PLA2G7: variants seen among roughly 807,000 people sequenced by gnomAD.
The protein encoded by PLA2G7 is phospholipase A2 group VII.
Under a neutral mutation model 49.6 loss-of-function variants are expected in PLA2G7, and 63 were observed. The ratio of observed to expected loss-of-function variants is 1.27; its 90% CI spans 1.04 to 1.57. PLA2G7 has a LOEUF of 1.57. PLA2G7 is among the 40% of genes most tolerant of loss of function. The pLI is 0.00. For missense variants in PLA2G7, 596 were observed against 521.2 expected, an observed-to-expected ratio of 1.14 and a Z score of -1.40; for synonymous variants, 193 against 169.9, an observed-to-expected ratio of 1.14 and a Z score of -1.06.
chr6:46,721,227 T>A (rs959597706), intron 2 of PLA2G7, among the ~76,000 whole-genome samples: 4 of 151,816 alleles, frequency 2.6e-5, no homozygotes, highest in African/African-American at 7.3e-5. Context: ...TTTTTTTTTT[T>A]AATATAGACG....
intron 2 of PLA2G7, among the ~76,000 whole-genome samples, chr6:46,720,415 G>A (rs1765357119): frequency 1.3e-5 from 2 of 152,230 alleles, no homozygotes; most frequent in South Asian, 4.1e-4. Context: ...AGGTCAAGGT[G>A]AGGTCTGCCT....
chr6:46,734,425 AG>A (rs1765836558), intron 1 of PLA2G7, among the ~76,000 whole-genome samples: 1 of 1,940 alleles, frequency 5.2e-4, no homozygotes, highest in Non-Finnish European at 1.3e-3. Flanking sequence ...TGAGAGAGAG[AG>A]AGAGAGAGAG....
chr6:46,726,958 A>T (rs1341412641), intron 1 of PLA2G7, among the ~76,000 whole-genome samples: 1 of 152,122 alleles, frequency 6.6e-6, no homozygotes, highest in Non-Finnish European at 1.5e-5. Flanking sequence ...GGGAATGTTC[A>T]CTTTAAAAAT....
At position 46,716,384 on chromosome 6, in the gene PLA2G7, CA is replaced by C; in HGVS notation, c.375del (p.Phe125LeufsTer4). The C allele has an allele frequency of 6.2e-7, 1 of 1,613,946 alleles. No individual in the cohort carries two copies. The highest frequency in any genetic ancestry group is 8.5e-7 in the Non-Finnish European group (1 of 1,179,910). On this transcript the variant is annotated frameshift_variant and splice_region_variant, in exon 4 of 12. Coordinates refer to ENST00000274793, the MANE Select transcript of PLA2G7 (RefSeq NM_005084.4). LOFTEE classifies it high-confidence loss of function. The part of the protein sequence containing the change: ...WLMGNILRLL[F>X]GSMTTPANWN... ...AAAGAAGGATCAACAGAAATCTTAC[CA>C]AAGAGTAACCTCAAAATGTTGCCCA...
At chr6:46,705,400 A>G in intron 10 of PLA2G7, 99 bp from the exon 11 acceptor site, 1 of 926,104 alleles carries the variant, frequency 1.1e-6, no homozygotes, top group Admixed American at 2.0e-5. Flanking sequence ...TGGTCTGTTT[A>G]CTGAAAACCA....
At chr6:46,711,723 C>A (rs769831082) in intron 6 of PLA2G7, 104 bp from the exon 7 acceptor site, 20 of 1,116,842 alleles carry the variant, frequency 1.8e-5, no homozygotes, top group Middle Eastern at 2.2e-4. Flanking sequence ...GATCTTTTGA[C>A]TTCCCTTTCT....
intron 4 of PLA2G7, among the ~76,000 whole-genome samples, chr6:46,715,860 A>G (rs1765181951): frequency 6.6e-6 from 1 of 152,240 alleles, no homozygotes; most frequent in Non-Finnish European, 1.5e-5. Flanking sequence ...AGTCTATATT[A>G]GCAGAATGTA....
At chr6:46,705,388 G>C (rs893287248) in intron 10 of PLA2G7, 87 bp from the exon 11 acceptor site, 1 of 1,078,280 alleles carries the variant, frequency 9.3e-7, no homozygotes, top group African/African-American at 1.6e-5. Flanking sequence ...TACTGGTCTT[G>C]TTGGTCTGTT....
At position 46,704,509 on chromosome 6, in the gene PLA2G7, C is replaced by CACAA; in HGVS notation, c.*50_*51insTTGT. On this transcript the variant is annotated 3_prime_UTR_variant, in exon 12 of 12. Transcript: ENST00000274793. ...ACACACACACACACACACACACACA[C>CACAA]ATAATTTTAGACAGTTTTGAAACAA... is the stretch of plus-strand genomic sequence containing the variant. The CACAA allele has an allele frequency of 3.2e-6, 3 of 945,708 alleles. No individual in the cohort carries two copies. The highest frequency in any genetic ancestry group is 5.1e-6 in the Non-Finnish European group (3 of 589,618). The allele number at this position is 945,708 out of a possible 1,614,324, so 58.6% of individuals were successfully genotyped here.
At chr6:46,709,076 TGTTAAC>T (rs1764922744) in intron 9 of PLA2G7, among the ~76,000 whole-genome samples, 1 of 152,148 alleles carries the variant, frequency 6.6e-6, no homozygotes, top group Non-Finnish European at 1.5e-5. Flanking sequence ...CAGTGAAAAG[TGTTAAC>T]CCCTTGGGTA....
At chr6:46,710,924 A>G (rs141275043) in intron 7 of PLA2G7, among the ~76,000 whole-genome samples, 242 of 152,334 alleles carry the variant, frequency 1.6e-3, no homozygotes, top group African/African-American at 5.6e-3. Context: ...TGATTGTATA[A>G]TAATTCCTAC....
intron 1 of PLA2G7, among the ~76,000 whole-genome samples, chr6:46,723,407 C>A (rs553550495): frequency 1.3e-5 from 2 of 152,156 alleles, no homozygotes; most frequent in African/African-American, 4.8e-5. Flanking sequence ...TATATTCTTG[C>A]TAATTTCTAT....
chr6:46,723,872 G>C (rs1765484345), intron 1 of PLA2G7, among the ~76,000 whole-genome samples: 1 of 152,100 alleles, frequency 6.6e-6, no homozygotes, highest in Admixed American at 6.6e-5. Flanking sequence ...AGCTTATAAT[G>C]ATCTACATAA....
intron 10 of PLA2G7, among the ~76,000 whole-genome samples, chr6:46,707,734 C>T (rs1764873586): frequency 6.6e-6 from 1 of 152,126 alleles, no homozygotes. Context: ...TTATAAATTA[C>T]CCAGTCTCAG....
intron 1 of PLA2G7, among the ~76,000 whole-genome samples, chr6:46,725,307 T>C (rs1390671489): frequency 6.6e-6 from 1 of 151,734 alleles, no homozygotes; most frequent in East Asian, 1.9e-4. Context: ...TCTCGGCTCA[T>C]TGCAACCTCT....
At chr6:46,707,371 G>A (rs895700579) in intron 10 of PLA2G7, among the ~76,000 whole-genome samples, 9 of 152,166 alleles carry the variant, frequency 5.9e-5, no homozygotes, top group Admixed American at 2.0e-4. Context: ...CAGTGATATA[G>A]TTTGGATCTG....
At chr6:46,727,704 G>A (rs1198339985) in intron 1 of PLA2G7, among the ~76,000 whole-genome samples, 7 of 152,220 alleles carry the variant, frequency 4.6e-5, no homozygotes, top group South Asian at 2.1e-4. Flanking sequence ...AAAAGTATAA[G>A]AGGATGGCAG....
chr6:46,725,607 A>G (rs1427944342), intron 1 of PLA2G7, among the ~76,000 whole-genome samples: 1 of 152,164 alleles, frequency 6.6e-6, no homozygotes, highest in Admixed American at 6.5e-5. Flanking sequence ...AAAAAGGTAT[A>G]TATGTGCAAC....
chr6:46,710,800 A>G (rs1764990877), intron 7 of PLA2G7, 142 bp from the exon 8 acceptor site: 4 of 687,112 alleles, frequency 5.8e-6, no homozygotes, highest in South Asian at 3.2e-5. Context: ...ACTTGCTACC[A>G]TAATGACACA....
Sources: gnomAD v4.1 joint callset for allele counts (sites outside exome capture counted in the v4.1 genomes callset) on GRCh38, gnomAD v4.1.1 for gene constraint, MANE v1.5 for transcripts, NCBI Gene and HGNC (gene_info 2026-07-23, HGNC 2026-07-21) for gene names.